The following WDR64 variants were observed in gnomAD, a reference collection of about 807,000 sequenced individuals.
The protein encoded by WDR64 is WD repeat-containing protein 64.
In WDR64, 112 loss-of-function variants were observed where a neutral mutation model predicts 139.3. That is an observed-to-expected ratio of 0.80 (90% CI 0.69 to 0.94). The LOEUF (loss-of-function observed/expected upper bound fraction) is 0.94. WDR64 is among the 40% of genes least tolerant of loss of function. The pLI is 0.00. For synonymous variants in WDR64, 444 were observed against 437.7 expected (o/e 1.01, Z -0.18); for missense variants, 1,206 against 1,293.1 (o/e 0.93, Z 1.03).
chr1:241,691,865 T>C (rs1418928774), intron 8 of WDR64, among the ~76,000 whole-genome samples: 1 of 151,966 alleles, frequency 6.6e-6, no homozygotes, highest in Non-Finnish European at 1.5e-5. Context: ...ATACAGAAAT[T>C]AGCCAGGCAT....
intron 14 of WDR64, among the ~76,000 whole-genome samples, chr1:241,753,278 A>G (rs1043905923): frequency 6.6e-6 from 1 of 152,358 alleles, no homozygotes; most frequent in East Asian, 1.9e-4. Context: ...ACTTTTCCAT[A>G]GCTGCTTTTC....
At chr1:241,707,020 G>A (rs986298307) in intron 8 of WDR64, among the ~76,000 whole-genome samples, 4 of 151,992 alleles carry the variant, frequency 2.6e-5, no homozygotes, top group South Asian at 2.1e-4. Flanking sequence ...CTCTGGGCCC[G>A]GGCTCCCCCT....
rs529696787 is a variant in WDR64, at chr1:241,772,915, G to C, written c.2414G>C (p.Arg805Pro). The C allele has an allele frequency of 4.5e-6, 7 of 1,550,962 alleles. No individual in the cohort carries two copies. The highest frequency in any genetic ancestry group is 6.1e-6 in the Non-Finnish European group (7 of 1,146,562). The change falls in exon 20 of 28, where the codon CGC becomes CCC. Residue 805 changes from arginine (R) to proline (P), a missense_variant. By Grantham distance (103) the Arg-to-Pro change is moderately radical. Transcript: ENST00000437684. ...ACTGCTCATGAGGATGGACACCTCC[G>C]CTTGTGGACTCTGGAGGTAATGGAA... The part of the protein sequence containing the change: ...LVTAHEDGHL[R>P]LWTLEGRLLK...
intron 10 of WDR64, among the ~76,000 whole-genome samples, chr1:241,732,622 C>A (rs1323917825): frequency 2.7e-5 from 4 of 150,872 alleles, no homozygotes; most frequent in Non-Finnish European, 5.9e-5. Context: ...GAGTTTGAGA[C>A]CAGCCTGGCC....
intron 7 of WDR64, among the ~76,000 whole-genome samples, chr1:241,686,091 T>A (rs1666992593): frequency 1.3e-5 from 2 of 152,224 alleles, no homozygotes; most frequent in African/African-American, 4.8e-5. Flanking sequence ...TTCATGTAGA[T>A]GATTTAATCA....
intron 3 of WDR64, among the ~76,000 whole-genome samples, chr1:241,673,340 T>TA (rs200633485): frequency 1.1e-3 from 168 of 151,292 alleles, no homozygotes; most frequent in African/African-American, 3.6e-3. Flanking sequence ...TAATAAAATT[T>TA]AAAAAAAAAT....
chr1:241,741,663 G>A lies in WDR64; in HGVS notation c.1469G>A (p.Arg490Lys). 1.9e-6 allele frequency: 3 copies of A among 1,598,152 alleles called. No individual in the cohort carries two copies. Among genetic ancestry groups the A allele is most frequent in the Non-Finnish European group, 2.6e-6 (3 of 1,176,008 alleles). The stretch of plus-strand genomic sequence containing the variant: ...ACTATCTGCTCTGAATCCATAATTA[G>A]GGTAAGTACCTATTGGCTTTTCAAA... ...VLTICSESIIRVWELETGLQV... is the reference protein window; with the variant it reads ...VLTICSESIIKVWELETGLQV... The change falls in exon 12 of 28, where the codon AGG (arginine) becomes AAG (lysine). Residue 490 changes from arginine (R) to lysine (K), a missense_variant and splice_region_variant. Physicochemically the swap from Arg to Lys is conservative, Grantham distance 26 (BLOSUM62 2). Transcript: ENST00000437684.
At position 241,716,061 on chromosome 1, in the gene WDR64, A is replaced by G. The variant is rs547816905; in HGVS notation, c.1054+4180A>G. ...ATTTATTGAATTGTCACAGTTATGGAGCCTCTATTAGTAGAAAATGCAAAT... is the reference window on the plus strand; with the variant it reads ...ATTTATTGAATTGTCACAGTTATGGGGCCTCTATTAGTAGAAAATGCAAAT... On this transcript the variant is annotated intron_variant, in intron 9 of 27. Coordinates refer to ENST00000437684, the MANE Select transcript of WDR64 (RefSeq NM_001367482.1). Among the ~76,000 whole-genome samples the G allele has an allele frequency of 7.2e-5, 11 of 152,322 alleles. No individual in the cohort carries two copies. In the East Asian group the frequency reaches 2.1e-3, roughly 29 times the overall value.
intron 9 of WDR64, 117 bp from the exon 10 acceptor site, chr1:241,723,180 A>G (rs1243017074): frequency 7.5e-7 from 1 of 1,338,132 alleles, no homozygotes; most frequent in African/African-American, 1.5e-5. Context: ...GCATCCTGCC[A>G]GAAACGGACT....
intron 9 of WDR64, among the ~76,000 whole-genome samples, chr1:241,712,829 C>G (rs763199274): frequency 6.6e-5 from 10 of 151,890 alleles, no homozygotes; most frequent in Non-Finnish European, 1.3e-4. Flanking sequence ...ACTCAAGAGG[C>G]TGAGGCAGAG....
chr1:241,770,306 C>T (rs1057413747), intron 17 of WDR64: 9 of 240,394 alleles, frequency 3.7e-5, no homozygotes, highest in Non-Finnish European at 7.1e-5. Context: ...CCACCACCAC[C>T]CCACCCCTTG....
chr1:241,749,548 AAC>A lies in WDR64; in HGVS notation c.1598_1599del (p.Thr533SerfsTer59). 1 of 1,614,022 alleles carries A rather than the reference AAC, an allele frequency of 6.2e-7. No homozygotes were observed. The highest frequency in any genetic ancestry group is 8.5e-7 in the Non-Finnish European group (1 of 1,179,942). Reference protein sequence around the residue: ...FLFATGAYNGTVRIWDFGSGQ... With the variant: ...FLFATGAYNGXVRIWDFGSGQ... ...TAGTCTTTTTCTCTGTATGCTCAGG[AAC>A]AGTCAGAATCTGGGACTTTGGCAGT... On this transcript the variant is annotated frameshift_variant and splice_region_variant, in exon 14 of 28. Coordinates refer to ENST00000437684, the MANE Select transcript of WDR64 (RefSeq NM_001367482.1). LOFTEE classifies it high-confidence loss of function.
chr1:241,796,492 CTTTTTT>C, intron 27 of WDR64, 122 bp downstream of exon 27: 1 of 502,138 alleles, frequency 2.0e-6, no homozygotes, highest in East Asian at 3.9e-5. Flanking sequence ...TCAGTTCATA[CTTTTTT>C]TTTTTTTTCT....
intron 25 of WDR64, among the ~76,000 whole-genome samples, chr1:241,792,113 C>T (rs1164310369): frequency 6.6e-6 from 1 of 152,200 alleles, no homozygotes; most frequent in Non-Finnish European, 1.5e-5. Flanking sequence ...ACAAATCACA[C>T]TAATTACTGT....
intron 2 of WDR64, among the ~76,000 whole-genome samples, chr1:241,668,897 CA>C (rs71570905): frequency 0.028 from 3,772 of 134,994 alleles, 100 homozygotes; most frequent in African/African-American, 0.073. Context: ...AAGACTCCGT[CA>C]AAAAAAAAAA....
chr1:241,732,585 T>C (rs1242225812), intron 10 of WDR64, among the ~76,000 whole-genome samples: 3 of 152,008 alleles, frequency 2.0e-5, no homozygotes, highest in Non-Finnish European at 4.4e-5. Flanking sequence ...TTTGGGAGGC[T>C]GAGGTGGGTG....
At chr1:241,731,352 A>G (rs1669070816) in intron 10 of WDR64, among the ~76,000 whole-genome samples, 1 of 152,226 alleles carries the variant, frequency 6.6e-6, no homozygotes, top group Admixed American at 6.5e-5. Flanking sequence ...CTTAAAAAAA[A>G]AAAAATGAGA....
chr1:241,797,386 C>T (rs1266456664), intron 27 of WDR64, among the ~76,000 whole-genome samples: 1 of 152,176 alleles, frequency 6.6e-6, no homozygotes, highest in Non-Finnish European at 1.5e-5. Context: ...CTAACTTAAC[C>T]TGTGGCCATT....
At chr1:241,723,460 C>A in intron 10 of WDR64, 24 bp downstream of exon 10, 1 of 1,609,376 alleles carries the variant, frequency 6.2e-7, no homozygotes, top group Non-Finnish European at 8.5e-7. Flanking sequence ...AATAACAAAA[C>A]AAAACTAGTT....
Sources: allele counts gnomAD v4.1 joint callset (sites outside exome capture counted in the v4.1 genomes callset), GRCh38; gene constraint gnomAD v4.1.1; transcripts MANE v1.5; gene names NCBI Gene and HGNC (gene_info 2026-07-23, HGNC 2026-07-21).